Variants in GRAMD4 observed in about 807,000 individuals in gnomAD.
The protein encoded by GRAMD4 is GRAM domain containing 4.
In GRAMD4, 25 loss-of-function variants were observed where a neutral mutation model predicts 83.9. The ratio of observed to expected loss-of-function variants is 0.30; its 90% CI spans 0.22 to 0.42. The LOEUF is 0.42. Among genes scored for constraint, GRAMD4 ranks in the 10% least tolerant of loss-of-function variants. The pLI is 1.00. For missense variants in GRAMD4, 593 were observed against 788.7 expected (o/e 0.75, Z 2.97); for synonymous variants, 336 against 320.9 (o/e 1.05, Z -0.50).
chr22:46,677,396 AC>A lies in GRAMD4; in HGVS notation c.*147del, dbSNP rs1396763712. ...CTGGACCTGTGGTTCTATTGTGTTG[AC>A]CTCTGCGTTTTATCGACCAAGAAGG... On this transcript the variant is annotated 3_prime_UTR_variant, in exon 19 of 19. Coordinates refer to ENST00000406902, the MANE Select transcript of GRAMD4 (RefSeq NM_015124.5). The A allele has an allele frequency of 7.2e-7, 1 of 1,384,818 alleles. No homozygotes were observed. Among genetic ancestry groups the A allele is most frequent in the African/African-American group, 1.5e-5 (1 of 68,102 alleles). 85.8% of individuals were successfully genotyped at this position (1,384,818 alleles called of 1,614,324 possible).
At chr22:46,674,998 AG>A (rs2082573409) in intron 16 of GRAMD4, among the ~76,000 whole-genome samples, 1 of 152,232 alleles carries the variant, frequency 6.6e-6, no homozygotes, top group African/African-American at 2.4e-5. Flanking sequence ...CTGGGGCCCA[AG>A]CAGTTCATGG....
rs2081569125 is a variant in GRAMD4, at chr22:46,621,162, G to A, written c.-50+597G>A. Among the ~76,000 whole-genome samples the A allele has an allele frequency of 6.6e-6, 1 of 152,172 alleles. No homozygotes were observed. The highest frequency in any genetic ancestry group is 2.4e-5 in the African/African-American group (1 of 41,416). On this transcript the variant is annotated intron_variant, in intron 1 of 18. Coordinates refer to ENST00000406902, the MANE Select transcript of GRAMD4 (RefSeq NM_015124.5). This position sits in a 1 kb window ranked among gnomAD's most constrained non-coding sequence, Gnocchi z 5.8. Reference sequence around the variant, plus strand: ...CGCGGCTGCAGCACGCAGGACGGAAGGTGCAGGTGAGACGCAGGTGGGCGG... The same window carrying A: ...CGCGGCTGCAGCACGCAGGACGGAAAGTGCAGGTGAGACGCAGGTGGGCGG...
chr22:46,661,393 G>A lies in GRAMD4; in HGVS notation c.417G>A (p.Gln139=). ...CCTGCTTTTTAAGAACCGAGGAGCA[G>A]ATGGCTCAGCAGCCCCCAAAAGGGC... The part of the protein sequence containing the change: ...QEVLKARTEE[Q]MAQQPPKGQA... Residue 139 remains glutamine, a synonymous_variant, in exon 5 of 19, where the codon CAG becomes CAA. Transcript: ENST00000406902. The A allele has an allele frequency of 6.2e-7, 1 of 1,612,052 alleles. No homozygotes were observed. The highest frequency in any genetic ancestry group is 8.5e-7 in the Non-Finnish European group (1 of 1,179,434).
At chr22:46,623,993 G>T (rs2081616653) in intron 1 of GRAMD4, among the ~76,000 whole-genome samples, 1 of 151,852 alleles carries the variant, frequency 6.6e-6, no homozygotes, top group African/African-American at 2.4e-5. Context: ...TGTTGACCAG[G>T]CTGGTCTCAG....
downstream of GRAMD4, among the ~76,000 whole-genome samples, chr22:46,680,027 G>A (rs2082651476): frequency 6.6e-6 from 1 of 152,248 alleles, no homozygotes; most frequent in South Asian, 2.1e-4. Context: ...CAGGGGGCAG[G>A]GCCTGAGTTC....
intron 1 of GRAMD4, among the ~76,000 whole-genome samples, chr22:46,584,901 G>C (rs888896429): frequency 6.6e-6 from 1 of 152,230 alleles, no homozygotes; most frequent in Admixed American, 6.5e-5. Context: ...AAAGGCTGCC[G>C]GCGGGACGCT....
chr22:46,603,504 C>T (rs537058463), intron 1 of GRAMD4, among the ~76,000 whole-genome samples: 17 of 104,916 alleles, frequency 1.6e-4, no homozygotes, highest in African/African-American at 4.1e-4. Context: ...CCACCGCGCC[C>T]GGCCTCTTCT....
intron 13 of GRAMD4, among the ~76,000 whole-genome samples, 160 bp downstream of exon 13, chr22:46,669,068 C>T (rs1272256085): frequency 6.6e-6 from 1 of 152,086 alleles, no homozygotes; most frequent in Non-Finnish European, 1.5e-5. Context: ...AAGTGAAGCC[C>T]ATCCGAGATC....
Position 46,626,893 on chromosome 22 carries a change from T to G in GRAMD4, c.94T>G (p.Cys32Gly). ...AESPNASDTE[C>G]SDEIPLKVPR... ...GTCTCCAAATGCCTCGGACACCGAA[T>G]GCAGCGACGAAATCCCCCTGAAGGT... Residue 32 changes from cysteine to glycine, a missense_variant, in exon 2 of 19, where the codon TGC becomes GGC. Coordinates refer to ENST00000406902, the MANE Select transcript of GRAMD4 (RefSeq NM_015124.5). The G allele has an allele frequency of 6.2e-7, 1 of 1,614,168 alleles. No homozygotes were observed. The highest frequency in any genetic ancestry group is 8.5e-7 in the Non-Finnish European group (1 of 1,179,996).
At chr22:46,578,121 C>T (rs1001436983) in intron 1 of GRAMD4, among the ~76,000 whole-genome samples, 11 of 152,206 alleles carry the variant, frequency 7.2e-5, no homozygotes, top group Non-Finnish European at 1.3e-4. Context: ...CTATTGTCAA[C>T]CCTGCATCTC....
At chr22:46,625,986 G>C (rs975487863) in intron 1 of GRAMD4, among the ~76,000 whole-genome samples, 2 of 152,390 alleles carry the variant, frequency 1.3e-5, no homozygotes, top group Non-Finnish European at 2.9e-5. Context: ...GGGACAGGAG[G>C]CCCAGCTGGC....
intron 3 of GRAMD4, among the ~76,000 whole-genome samples, chr22:46,657,572 G>A (rs1399481446): frequency 1.3e-5 from 2 of 152,184 alleles, no homozygotes; most frequent in African/African-American, 4.8e-5. Flanking sequence ...CCTCTGCCTG[G>A]ATGCTCTTTC....
At chr22:46,591,845 AAAAAAAAC>A (rs1166650291) in intron 1 of GRAMD4, among the ~76,000 whole-genome samples, 1 of 149,952 alleles carries the variant, frequency 6.7e-6, no homozygotes, top group Admixed American at 6.6e-5. Context: ...AAAAAAAAAA[AAAAAAAAC>A]CCAGAAAGGC....
chr22:46,681,488 G>A (rs1237239310), downstream of GRAMD4, among the ~76,000 whole-genome samples: 3 of 152,176 alleles, frequency 2.0e-5, no homozygotes, highest in Non-Finnish European at 2.9e-5. Context: ...CTTACTCAGC[G>A]GCATCTCTCG....
chr22:46,619,696 G>A (rs2081547257), upstream of GRAMD4, among the ~76,000 whole-genome samples: 1 of 152,140 alleles, frequency 6.6e-6, no homozygotes, highest in South Asian at 2.1e-4. Context: ...CCATCCTCAC[G>A]TCCTCTTCAG....
At chr22:46,648,889 T>TA (rs1299865812) in intron 3 of GRAMD4, among the ~76,000 whole-genome samples, 2 of 141,028 alleles carry the variant, frequency 1.4e-5, no homozygotes, top group Admixed American at 6.9e-5. Flanking sequence ...GATGGATGGA[T>TA]GGATGGATGC....
chr22:46,599,975 C>G (rs962662396), intron 1 of GRAMD4, among the ~76,000 whole-genome samples: 3 of 152,174 alleles, frequency 2.0e-5, no homozygotes, highest in Non-Finnish European at 4.4e-5. Flanking sequence ...GACTGTCTGT[C>G]GAGTGGCTGA....
At chr22:46,609,648 G>A (rs886957497) in intron 1 of GRAMD4, among the ~76,000 whole-genome samples, 8 of 152,342 alleles carry the variant, frequency 5.3e-5, no homozygotes, top group African/African-American at 1.9e-4. Context: ...CAGGGACACG[G>A]CACGCTGATG....
chr22:46,629,595 G>A (rs1453802018), intron 2 of GRAMD4, among the ~76,000 whole-genome samples: 1 of 152,154 alleles, frequency 6.6e-6, no homozygotes, highest in Non-Finnish European at 1.5e-5. Context: ...AACATCCTGA[G>A]ACCTGGGCTC....
Sources: gnomAD v4.1 joint callset for allele counts (sites outside exome capture counted in the v4.1 genomes callset) on GRCh38, gnomAD v4.1.1 for gene constraint, Gnocchi (gnomAD v3.1) non-coding constraint, MANE v1.5 for transcripts, NCBI Gene and HGNC (gene_info 2026-07-23, HGNC 2026-07-21) for gene names.